The following KCNAB2 variants were observed in gnomAD, a reference collection of about 807,000 sequenced individuals.
KCNAB2 encodes potassium voltage-gated channel subfamily A regulatory beta subunit 2.
Under a neutral mutation model 63.6 loss-of-function variants are expected in KCNAB2, and 29 were observed. The ratio of observed to expected loss-of-function variants is 0.46; its 90% CI spans 0.34 to 0.62. The LOEUF (loss-of-function observed/expected upper bound fraction) is 0.62. KCNAB2 is among the 20% of genes least tolerant of loss of function. KCNAB2 has a pLI of 0.01. For missense variants in KCNAB2, 359 were observed against 563.9 expected, an observed-to-expected ratio of 0.64 and a Z score of 3.68; for synonymous variants, 222 against 224.2, an observed-to-expected ratio of 0.99 and a Z score of 0.09.
intron 8 of KCNAB2, among the ~76,000 whole-genome samples, chr1:6,089,931 C>T (rs1275279410): frequency 1.3e-5 from 2 of 152,214 alleles, no homozygotes; most frequent in South Asian, 2.1e-4. Flanking sequence ...AAACTCCTGG[C>T]CCTCAAGTGA....
intron 10 of KCNAB2, among the ~76,000 whole-genome samples, chr1:6,092,961 G>A (rs1240689597): frequency 6.6e-6 from 1 of 152,240 alleles, no homozygotes; most frequent in Non-Finnish European, 1.5e-5. Context: ...TAGCCTTTAG[G>A]AGGCCCCAGG....
In KCNAB2 at chr1:6,098,467, T is replaced by A. The variant is rs769836111; in HGVS notation, c.1159-18T>A. 6 of 1,613,330 alleles carry A rather than the reference T, an allele frequency of 3.7e-6. No individual in the cohort carries two copies. The Admixed American group carries it at 8.3e-5, about 22-fold the overall frequency. ...TCTTGTTGGTGGGATTCTGATTTGT[T>A]GTTGTTCTTGCACGCAGGTCCTTCC... On this transcript the variant is annotated intron_variant, in intron 15 of 15. Coordinates refer to ENST00000378083, the MANE Select transcript of KCNAB2 (RefSeq NM_001199862.2).
At chr1:6,088,916 T>C (rs992062336) in intron 7 of KCNAB2, 92 bp from the exon 8 acceptor site, 1 of 1,234,926 alleles carries the variant, frequency 8.1e-7, no homozygotes, top group African/African-American at 1.5e-5. Context: ...GACCCTGTTT[T>C]TGCGTCTAAC....
At chr1:6,001,495 C>T (rs1179631375) in intron 1 of KCNAB2, among the ~76,000 whole-genome samples, 2 of 152,116 alleles carry the variant, frequency 1.3e-5, no homozygotes, top group East Asian at 1.9e-4. Context: ...TCATGATCAC[C>T]GGTTGTTGGA....
rs1193737059 is a variant in KCNAB2, at chr1:6,071,637, C to T, written c.219-1118C>T. 6.6e-6 allele frequency among the ~76,000 whole-genome samples: 1 copy of T among 152,192 alleles called. No homozygotes were observed. The highest frequency in any genetic ancestry group is 2.4e-5 in the African/African-American group (1 of 41,452). ...GTCACGACAAGCAAGGCGCCTGCTG[C>T]GTAGGGCACCTGCCGCTTAGGACTC... On this transcript the variant is annotated intron_variant, in intron 2 of 15. Coordinates refer to ENST00000378083, the MANE Select transcript of KCNAB2 (RefSeq NM_001199862.2). The surrounding 1 kb of genome is among the most constrained non-coding windows in gnomAD (Gnocchi z 8.5).
At chr1:6,053,243 C>T (rs567668436) in intron 2 of KCNAB2, among the ~76,000 whole-genome samples, 1 of 152,176 alleles carries the variant, frequency 6.6e-6, no homozygotes, top group African/African-American at 2.4e-5. Context: ...TCATGAGGGG[C>T]TGGTCATTGA....
chr1:6,089,875 A>T (rs1369469996), intron 8 of KCNAB2, among the ~76,000 whole-genome samples: 2 of 151,952 alleles, frequency 1.3e-5, no homozygotes, highest in Non-Finnish European at 2.9e-5. Flanking sequence ...TTTTTTTTGT[A>T]TTTTTAGTAG....
intron 15 of KCNAB2, 90 bp downstream of exon 15, chr1:6,097,447 C>A: frequency 9.1e-6 from 14 of 1,542,868 alleles, no homozygotes; most frequent in Non-Finnish European, 1.1e-5. Context: ...GCGTGCCAGG[C>A]TCTGTTCTAG....
Position 6,085,258 on chromosome 1 carries a change from C to T in KCNAB2, c.425+10C>T. The T allele has an allele frequency of 2.5e-6, 4 of 1,613,204 alleles. No homozygotes were observed. The South Asian group carries it at 3.3e-5, about 13-fold the overall frequency. The stretch of plus-strand genomic sequence containing the variant: ...AGAAGAAAGGATGGAGGTAACGGCC[C>T]TGCTCTCTGCGGCCTGTCCCTGGGG... On this transcript the variant is annotated intron_variant, in intron 6 of 15. Transcript: ENST00000378083.
chr1:6,017,227 G>T (rs964010465), intron 1 of KCNAB2, among the ~76,000 whole-genome samples: 2 of 152,274 alleles, frequency 1.3e-5, no homozygotes, highest in Non-Finnish European at 2.9e-5. Context: ...GGGAGCACAG[G>T]TGTCTGCAGG....
intron 4 of KCNAB2, among the ~76,000 whole-genome samples, chr1:6,075,284 A>G (rs1324055934): frequency 6.6e-6 from 1 of 152,232 alleles, no homozygotes; most frequent in Non-Finnish European, 1.5e-5. Flanking sequence ...AAGCAGACAG[A>G]CTAGACCCAT....
intron 8 of KCNAB2, among the ~76,000 whole-genome samples, chr1:6,089,845 C>A (rs960079140): frequency 2.6e-5 from 4 of 152,180 alleles, no homozygotes; most frequent in Non-Finnish European, 4.4e-5. Context: ...TTACAGGTGC[C>A]CACCACCACA....
intron 2 of KCNAB2, among the ~76,000 whole-genome samples, chr1:6,064,557 G>A (rs193259616): frequency 3.3e-5 from 5 of 152,346 alleles, no homozygotes; most frequent in Admixed American, 2.0e-4. Context: ...GAGAAGGGTA[G>A]GGGGCAAAAG....
chr1:6,079,140 T>C (rs1663974108), intron 4 of KCNAB2, among the ~76,000 whole-genome samples: 1 of 152,174 alleles, frequency 6.6e-6, no homozygotes, highest in African/African-American at 2.4e-5. Context: ...TCCCGGGAGC[T>C]GATGCTGCCG....
intron 7 of KCNAB2, 35 bp from the exon 8 acceptor site, chr1:6,088,973 C>G (rs1664946157): frequency 6.5e-7 from 1 of 1,547,092 alleles, no homozygotes; most frequent in Non-Finnish European, 8.7e-7. Flanking sequence ...GCCAAAACCG[C>G]TGGTGACATC....
chr1:6,021,809 G>C (rs775046230), intron 1 of KCNAB2, among the ~76,000 whole-genome samples: 2 of 151,802 alleles, frequency 1.3e-5, no homozygotes, highest in African/African-American at 4.9e-5. Context: ...GTACAGTTCA[G>C]TGGTATTGAG....
At chr1:6,053,432 C>T (rs575212353) in intron 2 of KCNAB2, among the ~76,000 whole-genome samples, 39 of 152,212 alleles carry the variant, frequency 2.6e-4, no homozygotes, top group African/African-American at 8.4e-4. Flanking sequence ...GTTCCAACAG[C>T]GACCACTGGC....
At chr1:6,063,780 C>T (rs779317018) in intron 2 of KCNAB2, among the ~76,000 whole-genome samples, 1 of 152,112 alleles carries the variant, frequency 6.6e-6, no homozygotes, top group South Asian at 2.1e-4. Context: ...CTCCATTTGT[C>T]GGTTGATGGG....
At chr1:6,008,527 AAG>A (rs1266174190) in intron 1 of KCNAB2, among the ~76,000 whole-genome samples, 1 of 152,088 alleles carries the variant, frequency 6.6e-6, no homozygotes, top group African/African-American at 2.4e-5. Flanking sequence ...AGGCTGAAGC[AAG>A]AGAATTGCTT....
Sources: gnomAD v4.1 joint callset for allele counts (sites outside exome capture counted in the v4.1 genomes callset) on GRCh38, gnomAD v4.1.1 for gene constraint, Gnocchi (gnomAD v3.1) non-coding constraint, MANE v1.5 for transcripts, NCBI Gene and HGNC (gene_info 2026-07-23, HGNC 2026-07-21) for gene names.